Variants in HCN1 observed in about 807,000 individuals in gnomAD.
The protein encoded by HCN1 is hyperpolarization activated cyclic nucleotide gated potassium channel 1.
In HCN1, 13 loss-of-function variants were observed where a neutral mutation model predicts 78.9. The observed-to-expected ratio is 0.16, with a 90% confidence interval of 0.11 to 0.26. The LOEUF (loss-of-function observed/expected upper bound fraction) is 0.26. Among genes scored for constraint, HCN1 ranks in the 10% least tolerant of loss-of-function variants. The pLI is 1.00. For synonymous variants in HCN1, 552 were observed against 455.5 expected (o/e 1.21, Z -2.70); for missense variants, 810 against 1,154.3 (o/e 0.70, Z 4.32).
At chr5:45,538,644 T>G (rs899474925) in intron 2 of HCN1, among the ~76,000 whole-genome samples, 2 of 152,170 alleles carry the variant, frequency 1.3e-5, no homozygotes, top group African/African-American at 4.8e-5. Flanking sequence ...CAATGAATGT[T>G]TTTAAAAGAG....
chr5:45,395,140 G>T (rs973439945), intron 4 of HCN1, among the ~76,000 whole-genome samples: 9 of 151,796 alleles, frequency 5.9e-5, no homozygotes, highest in African/African-American at 2.2e-4. Context: ...TTGAGAAAAT[G>T]TATAGCAATG....
intron 2 of HCN1, among the ~76,000 whole-genome samples, chr5:45,506,486 C>T (rs1259354798): frequency 6.6e-6 from 1 of 151,950 alleles, no homozygotes; most frequent in Admixed American, 6.6e-5. Flanking sequence ...ATGTCTGTAC[C>T]TCTGTTTTCT....
chr5:45,643,948 AT>A (rs1745501050), intron 2 of HCN1: 1 of 152,104 alleles, frequency 6.6e-6, no homozygotes, highest in African/African-American at 2.4e-5. Context: ...GATTTCTCAA[AT>A]GTGCTTCATT....
intron 2 of HCN1, among the ~76,000 whole-genome samples, chr5:45,582,454 T>C (rs1250341601): frequency 6.6e-6 from 1 of 152,184 alleles, no homozygotes; most frequent in Admixed American, 6.5e-5. Flanking sequence ...TATACAATCA[T>C]GTCATCTGCA....
intron 2 of HCN1, among the ~76,000 whole-genome samples, chr5:45,639,389 CA>C (rs1745412925): frequency 6.6e-6 from 1 of 152,146 alleles, no homozygotes; most frequent in Non-Finnish European, 1.5e-5. Flanking sequence ...ACAGAAATAT[CA>C]GTTTAAATAT....
At chr5:45,388,871 C>T (rs984654033) in intron 4 of HCN1, among the ~76,000 whole-genome samples, 7 of 152,054 alleles carry the variant, frequency 4.6e-5, no homozygotes, top group African/African-American at 1.7e-4. Context: ...TTAGTATTCC[C>T]ACCCTGTTTA....
intron 4 of HCN1, among the ~76,000 whole-genome samples, chr5:45,369,248 A>G (rs1747299082): frequency 6.6e-6 from 1 of 152,008 alleles, no homozygotes; most frequent in African/African-American, 2.4e-5. Context: ...CAAACAGCCC[A>G]GTTTACCATG....
At chr5:45,692,626 A>T (rs1417661301) in intron 1 of HCN1, among the ~76,000 whole-genome samples, 1 of 152,168 alleles carries the variant, frequency 6.6e-6, no homozygotes, top group Non-Finnish European at 1.5e-5. Context: ...AAAGGTAAAT[A>T]CAGCAACTCT....
chr5:45,613,097 G>A (rs936364050), intron 2 of HCN1, among the ~76,000 whole-genome samples: 3 of 151,390 alleles, frequency 2.0e-5, no homozygotes, highest in Non-Finnish European at 4.4e-5. Flanking sequence ...CTGGTGCACT[G>A]CACCCACTAA....
intron 2 of HCN1, among the ~76,000 whole-genome samples, chr5:45,635,366 TTGAAA>T (rs1218162365): frequency 1.3e-4 from 19 of 151,996 alleles, no homozygotes; most frequent in Non-Finnish European, 2.6e-4. Context: ...AAGAGCAAAA[TTGAAA>T]TAATTATTGT....
intron 1 of HCN1, among the ~76,000 whole-genome samples, chr5:45,651,749 C>T (rs1010789922): frequency 1.3e-5 from 2 of 151,766 alleles, no homozygotes; most frequent in East Asian, 3.9e-4. Context: ...TTAGAAACTT[C>T]GCAAAAAAGT....
At chr5:45,335,149 A>G (rs947647279) in intron 5 of HCN1, among the ~76,000 whole-genome samples, 1 of 152,002 alleles carries the variant, frequency 6.6e-6, no homozygotes, top group Non-Finnish European at 1.5e-5. Context: ...TTAAAAATAG[A>G]TCAGTTCTGA....
At chr5:45,318,609 A>G (rs529948868) in intron 5 of HCN1, among the ~76,000 whole-genome samples, 1 of 151,732 alleles carries the variant, frequency 6.6e-6, no homozygotes, top group East Asian at 1.9e-4. Context: ...TATAATAAAA[A>G]AAGAAAAAAA....
chr5:45,677,219 C>A (rs895896486), intron 1 of HCN1, among the ~76,000 whole-genome samples: 3 of 151,742 alleles, frequency 2.0e-5, no homozygotes, highest in Non-Finnish European at 2.9e-5. Context: ...CTCATTACTT[C>A]TTTTCTGCAT....
chr5:45,435,316 T>A (rs538486112), intron 3 of HCN1, among the ~76,000 whole-genome samples: 1 of 152,218 alleles, frequency 6.6e-6, no homozygotes, highest in African/African-American at 2.4e-5. Context: ...CAGAACAGAA[T>A]TAGTAAATAA....
chr5:45,424,028 C>T (rs1027602968), intron 3 of HCN1, among the ~76,000 whole-genome samples: 17 of 149,606 alleles, frequency 1.1e-4, no homozygotes, highest in African/African-American at 4.2e-4. Flanking sequence ...GTAATCCCAG[C>T]ACTTTGGGAG....
intron 4 of HCN1, among the ~76,000 whole-genome samples, chr5:45,356,506 C>A (rs551765012): frequency 2.0e-4 from 31 of 152,046 alleles, no homozygotes; most frequent in African/African-American, 7.0e-4. Context: ...GGTGTTTAAT[C>A]CATATCACTA....
chr5:45,279,898 T>C (rs1745126785), intron 6 of HCN1, among the ~76,000 whole-genome samples: 1 of 152,142 alleles, frequency 6.6e-6, no homozygotes, highest in Admixed American at 6.6e-5. Context: ...AGCAGGCACA[T>C]ATTTTGTAAA....
intron 4 of HCN1, among the ~76,000 whole-genome samples, chr5:45,362,353 C>T (rs781215626): frequency 2.6e-5 from 4 of 151,996 alleles, no homozygotes; most frequent in Non-Finnish European, 5.9e-5. Flanking sequence ...TCAACAGTTT[C>T]TTTCACTCAC....
Sources: gnomAD v4.1 joint callset for allele counts (sites outside exome capture counted in the v4.1 genomes callset) on GRCh38, gnomAD v4.1.1 for gene constraint, MANE v1.5 for transcripts, NCBI Gene and HGNC (gene_info 2026-07-23, HGNC 2026-07-21) for gene names.